The following CD8B2 variants were observed in gnomAD, a reference collection of about 807,000 sequenced individuals.
The protein encoded by CD8B2 is T-cell surface glycoprotein CD8 beta-2 chain.
A neutral mutation model predicts 23.7 loss-of-function variants in CD8B2; 11 were observed. That is an observed-to-expected ratio of 0.46 (90% CI 0.29 to 0.77). The LOEUF is 0.77. Among genes scored for constraint, CD8B2 ranks in the 30% least tolerant of loss-of-function variants. The pLI, the probability that CD8B2 is intolerant of heterozygous loss-of-function variation, is 0.09. For synonymous variants in CD8B2, 90 were observed against 109.3 expected (o/e 0.82, Z 1.10); for missense variants, 197 against 270.5 (o/e 0.73, Z 1.91).
In CD8B2 at chr2:106,510,273, C is replaced by T. The variant is rs538249427; in HGVS notation, c.*3333C>T. ...TTTCTGCTTCTCAATCTGGGAATCACTTATATGAGTGTGTTTCATTAGTAA... is the reference window on the plus strand; with the variant it reads ...TTTCTGCTTCTCAATCTGGGAATCATTTATATGAGTGTGTTTCATTAGTAA... On this transcript the variant is annotated 3_prime_UTR_variant, in exon 6 of 6. Coordinates refer to ENST00000643224, the MANE Select transcript of CD8B2 (RefSeq NM_001349727.2). The T allele has an allele frequency of 6.6e-6, 1 of 152,276 alleles. No homozygotes were observed. The highest frequency in any genetic ancestry group is 1.9e-4 in the East Asian group (1 of 5,186). The allele number at this position is 152,276 out of a possible 1,614,324, so 9.4% of individuals were successfully genotyped here. A position where few individuals can be genotyped will look rare whatever the true frequency, so the allele number is the denominator to read the frequency against.
Position 106,491,256 on chromosome 2 carries a change from T to C in CD8B2, c.403+23T>C, listed in dbSNP as rs940101558. On this transcript the variant is annotated intron_variant, in intron 2 of 5. Transcript: ENST00000643224. The stretch of plus-strand genomic sequence containing the variant: ...TGGGTAAAAAGCAGGCTCAATGCTA[T>C]CAGTGAGCACCGACTGTGTGCCAGG... 8 of 1,452,886 alleles carry C rather than the reference T, an allele frequency of 5.5e-6. No individual in the cohort carries two copies. In the African/African-American group the frequency reaches 1.1e-4, roughly 20 times the overall value. 90.0% of individuals were successfully genotyped at this position (1,452,886 alleles called of 1,614,324 possible). A position where few individuals can be genotyped will look rare whatever the true frequency, so the allele number is the denominator to read the frequency against.
chr2:106,516,433 A>C (rs1403047450), intron 5 of CD8B2, among the ~76,000 whole-genome samples: 1 of 152,198 alleles, frequency 6.6e-6, no homozygotes, highest in Non-Finnish European at 1.5e-5. Flanking sequence ...GGTTTGTGAA[A>C]ATATTGAGTC....
intron 5 of CD8B2, among the ~76,000 whole-genome samples, chr2:106,543,397 G>T (rs1229810424): frequency 2.0e-5 from 3 of 152,132 alleles, no homozygotes; most frequent in Non-Finnish European, 4.4e-5. Flanking sequence ...GGTCGTGGTG[G>T]CACCCACCTA....
At chr2:106,541,935 A>G (rs996770941) in intron 5 of CD8B2, among the ~76,000 whole-genome samples, 7 of 152,100 alleles carry the variant, frequency 4.6e-5, no homozygotes, top group African/African-American at 1.4e-4. Context: ...CAGCCATCCC[A>G]TTGCAGTGTA....
Position 106,508,777 on chromosome 2 carries a change from G to C in CD8B2, c.*1837G>C, listed in dbSNP as rs77469318. The C allele has an allele frequency of 6.6e-6, 1 of 152,316 alleles. No homozygotes were observed. The highest frequency in any genetic ancestry group is 2.1e-4 in the South Asian group (1 of 4,816). 9.4% of individuals were successfully genotyped at this position (152,316 alleles called of 1,614,324 possible). On this transcript the variant is annotated 3_prime_UTR_variant, in exon 6 of 6. Transcript: ENST00000643224. ...CCCTATGCGGATGAAGGGATGGCCC[G>C]TGCTTGGTCTGTGGTCAATCCAGGG...
At chr2:106,497,382 C>T (rs909065451) in intron 3 of CD8B2, among the ~76,000 whole-genome samples, 2 of 152,216 alleles carry the variant, frequency 1.3e-5, no homozygotes, top group African/African-American at 4.8e-5. Context: ...CTCTATGCTC[C>T]ACCAGACACC....
chr2:106,488,163 A>G (rs1021271612), intron 1 of CD8B2, among the ~76,000 whole-genome samples: 1 of 152,006 alleles, frequency 6.6e-6, no homozygotes, highest in South Asian at 2.1e-4. Flanking sequence ...CTCGTGCCCA[A>G]AAAGCCCAAA....
chr2:106,514,653 T>A (rs1192436774), downstream of CD8B2, among the ~76,000 whole-genome samples: 6 of 151,780 alleles, frequency 4.0e-5, no homozygotes, highest in African/African-American at 1.5e-4. Context: ...TGGACAGCTA[T>A]CCCACGTTTG....
At chr2:106,527,525 C>CTGTAATCCT (rs1203836077) in intron 5 of CD8B2, among the ~76,000 whole-genome samples, 1 of 152,256 alleles carries the variant, frequency 6.6e-6, no homozygotes, top group Admixed American at 6.5e-5. Flanking sequence ...TGGCTCACGC[C>CTGTAATCCT]TGTAATCCTA....
chr2:106,494,834 C>G (rs1184814361), intron 2 of CD8B2, among the ~76,000 whole-genome samples: 2 of 152,262 alleles, frequency 1.3e-5, no homozygotes, highest in East Asian at 3.9e-4. Flanking sequence ...TGGTGTTCAC[C>G]TTTGAAATTA....
Position 106,509,295 on chromosome 2 carries a change from G to A in CD8B2, c.*2355G>A, listed in dbSNP as rs1262116338. ...GGACAGGCTGCCTTCCAAGGCTGAG[G>A]GGAGGGGTGAAAGAATTGGGGTCAG... On this transcript the variant is annotated 3_prime_UTR_variant, in exon 6 of 6. Transcript: ENST00000643224. The A allele has an allele frequency of 6.6e-6, 1 of 152,100 alleles. No individual in the cohort carries two copies. The highest frequency in any genetic ancestry group is 1.5e-5 in the Non-Finnish European group (1 of 68,014). The allele number at this position is 152,100 out of a possible 1,614,324, so 9.4% of individuals were successfully genotyped here.
chr2:106,540,242 G>A (rs1223458729), intron 5 of CD8B2, among the ~76,000 whole-genome samples: 1 of 152,182 alleles, frequency 6.6e-6, no homozygotes, highest in Non-Finnish European at 1.5e-5. Flanking sequence ...GTCTCAAGAT[G>A]AGTGTTGGAA....
chr2:106,520,516 G>A (rs1259047452), intron 5 of CD8B2, among the ~76,000 whole-genome samples: 2 of 152,188 alleles, frequency 1.3e-5, no homozygotes, highest in African/African-American at 4.8e-5. Flanking sequence ...AAGTGGCCTT[G>A]TTGTCTGCGA....
chr2:106,511,808 T>C (rs1056606021), downstream of CD8B2, among the ~76,000 whole-genome samples: 2 of 151,786 alleles, frequency 1.3e-5, no homozygotes, highest in Non-Finnish European at 2.9e-5. Context: ...GTTCCTGGAG[T>C]CCTCCCAGTT....
At chr2:106,519,033 A>G (rs1462882478) in intron 5 of CD8B2, among the ~76,000 whole-genome samples, 1 of 151,654 alleles carries the variant, frequency 6.6e-6, no homozygotes, top group African/African-American at 2.4e-5. Context: ...CAATCCCTCC[A>G]TCCATTCATT....
chr2:106,524,676 T>G (rs1026112068), intron 5 of CD8B2, among the ~76,000 whole-genome samples: 1 of 152,172 alleles, frequency 6.6e-6, no homozygotes, highest in Admixed American at 6.5e-5. Flanking sequence ...GCTTCAGAAG[T>G]ATATTCTCTT....
chr2:106,505,496 C>T (rs4366906), intron 5 of CD8B2, among the ~76,000 whole-genome samples: 46,880 of 151,954 alleles, frequency 0.31, 7,588 homozygotes, highest in Middle Eastern at 0.35. Flanking sequence ...GGGGTATTAT[C>T]CTTAAAGCAT....
rs1679613357 is a variant in CD8B2 at position 106,510,636 on chromosome 2, G to C, written c.*3696G>C. ...AGTCCCAGCTATTAGGGAGGATGAG[G>C]TGGGAGGATCTCCTGAGCCCAGGAG... On this transcript the variant is annotated 3_prime_UTR_variant, in exon 6 of 6. Coordinates refer to ENST00000643224, the MANE Select transcript of CD8B2 (RefSeq NM_001349727.2). 6.6e-6 allele frequency: 1 copy of C among 152,134 alleles called. No homozygotes were observed. Among genetic ancestry groups the C allele is most frequent in the Non-Finnish European group, 1.5e-5 (1 of 68,064 alleles). 9.4% of individuals were successfully genotyped at this position (152,134 alleles called of 1,614,324 possible).
intron 5 of CD8B2, among the ~76,000 whole-genome samples, chr2:106,533,995 G>T (rs777689537): frequency 6.6e-6 from 1 of 152,204 alleles, no homozygotes; most frequent in Non-Finnish European, 1.5e-5. Flanking sequence ...TTACTATGTG[G>T]CAAGCCTCCT....
Sources: allele counts gnomAD v4.1 joint callset (sites outside exome capture counted in the v4.1 genomes callset), GRCh38; gene constraint gnomAD v4.1.1; transcripts MANE v1.5; gene names NCBI Gene and HGNC (gene_info 2026-07-23, HGNC 2026-07-21).